Variants in TOX observed in about 807,000 individuals in gnomAD.
TOX encodes the protein thymocyte selection-associated high mobility group box protein TOX.
Under a neutral mutation model 53.7 loss-of-function variants are expected in TOX, and 11 were observed. The observed-to-expected ratio is 0.20, with a 90% CI of 0.13 to 0.34. TOX has a LOEUF of 0.34. TOX is among the 10% of genes least tolerant of loss of function. TOX has a pLI of 1.00. For missense variants in TOX, 570 were observed against 664.6 expected (o/e 0.86, Z 1.56); for synonymous variants, 225 against 245.3 (o/e 0.92, Z 0.77).
At chr8:59,055,846 C>T (rs909830026) in intron 1 of TOX, among the ~76,000 whole-genome samples, 1 of 152,146 alleles carries the variant, frequency 6.6e-6, no homozygotes, top group African/African-American at 2.4e-5. Context: ...TTATCAGGGA[C>T]ATCTACTTGC....
intron 4 of TOX, among the ~76,000 whole-genome samples, chr8:58,846,222 T>A (rs984682999): frequency 2.1e-5 from 3 of 145,786 alleles, no homozygotes; most frequent in Non-Finnish European, 4.7e-5. Context: ...ACGAATAGAA[T>A]ACTTTTTTTT....
intron 5 of TOX, among the ~76,000 whole-genome samples, chr8:58,836,162 A>C (rs1810542268): frequency 6.6e-6 from 1 of 152,122 alleles, no homozygotes; most frequent in Admixed American, 6.5e-5. Context: ...TCATGGGTGG[A>C]GCAGGGAGGC....
At chr8:59,036,976 A>C (rs1814471544) in intron 1 of TOX, among the ~76,000 whole-genome samples, 1 of 152,198 alleles carries the variant, frequency 6.6e-6, no homozygotes, top group Non-Finnish European at 1.5e-5. Context: ...TTCTGGATTA[A>C]TATCTGGCAA....
At chr8:59,029,168 C>T (rs1814302778) in intron 1 of TOX, among the ~76,000 whole-genome samples, 1 of 152,026 alleles carries the variant, frequency 6.6e-6, no homozygotes, top group Admixed American at 6.6e-5. Flanking sequence ...TATTTCTTTT[C>T]CTATACACTC....
At position 58,911,680 on chromosome 8, in the gene TOX, T is replaced by C. The variant is rs528629855; in HGVS notation, c.411+27622A>G. 7.2e-5 allele frequency among the ~76,000 whole-genome samples: 11 copies of C among 152,220 alleles called. No homozygotes were observed. The South Asian group carries it at 2.3e-3, about 32-fold the overall frequency. ...GCATCTCTGAGCAGAAAAAAACACATAAGACTCAAGTTCAAAACTTTTCTT... is the reference window on the plus strand; with the variant it reads ...GCATCTCTGAGCAGAAAAAAACACACAAGACTCAAGTTCAAAACTTTTCTT... On this transcript the variant is annotated intron_variant, in intron 3 of 8. Transcript: ENST00000361421.
chr8:59,019,431 G>C (rs1057254603), intron 1 of TOX, among the ~76,000 whole-genome samples: 5 of 152,160 alleles, frequency 3.3e-5, no homozygotes, highest in African/African-American at 1.2e-4. Context: ...TAGGCACAGA[G>C]AGAAAGAGAA....
At chr8:58,999,437 G>A (rs1197854842) in intron 1 of TOX, among the ~76,000 whole-genome samples, 2 of 151,994 alleles carry the variant, frequency 1.3e-5, no homozygotes, top group African/African-American at 4.8e-5. Flanking sequence ...AGTCAACAAA[G>A]TTTCTGAAAA....
intron 1 of TOX, among the ~76,000 whole-genome samples, chr8:58,978,064 T>C (rs1361547033): frequency 1.3e-5 from 2 of 152,120 alleles, no homozygotes; most frequent in Admixed American, 1.3e-4. Context: ...TGAGGTGCAA[T>C]AAAATGGGGG....
At position 58,806,972 on chromosome 8, in the gene TOX, T is replaced by C. The variant is rs1353211559; in HGVS notation, c.*775A>G. The C allele has an allele frequency of 6.6e-6, 1 of 152,618 alleles. No individual in the cohort carries two copies. The highest frequency in any genetic ancestry group is 2.4e-5 in the African/African-American group (1 of 41,458). The allele number at this position is 152,618 out of a possible 1,614,324, so 9.5% of individuals were successfully genotyped here. On this transcript the variant is annotated 3_prime_UTR_variant, in exon 9 of 9. Transcript: ENST00000361421. Reference sequence around the variant, plus strand: ...GGTAAGCATTTGGCAGTTTTATACATAAAAGGACTTAAATGACATTTACTA... The same window carrying C: ...GGTAAGCATTTGGCAGTTTTATACACAAAAGGACTTAAATGACATTTACTA...
At chr8:58,835,939 G>A (rs759136429) in intron 5 of TOX, among the ~76,000 whole-genome samples, 1 of 152,120 alleles carries the variant, frequency 6.6e-6, no homozygotes, top group Non-Finnish European at 1.5e-5. Context: ...TAGGGAAGAG[G>A]GGCTGAGCCT....
chr8:58,851,769 T>G lies in TOX; in HGVS notation c.448A>C (p.Ser150Arg). The G allele has an allele frequency of 6.2e-7, 1 of 1,606,374 alleles. No individual in the cohort carries two copies. Among genetic ancestry groups the G allele is most frequent in the Non-Finnish European group, 8.5e-7 (1 of 1,175,618 alleles). ...DIRNPEGTQY[S>R]SHPQMAAMRP... The stretch of plus-strand genomic sequence containing the variant: ...ATGGCTGCCATCTGAGGATGGGAAC[T>G]GTACTGAGTTCCTTCTGGGTTTCGT... The change falls in exon 4 of 9, where the codon AGT (serine) becomes CGT (arginine). Residue 150 changes from serine (S) to arginine (R), a missense_variant. Physicochemically the swap from Ser to Arg is moderately radical, Grantham distance 110 (BLOSUM62 -1). This residue lies in a region of TOX where 282 missense variants were observed against 315.0 expected (regional missense o/e 0.90). Coordinates refer to ENST00000361421, the MANE Select transcript of TOX (RefSeq NM_014729.3). The surrounding 1 kb of genome is among the most constrained non-coding windows in gnomAD (Gnocchi z 4.4).
At chr8:59,029,397 C>T (rs1342283394) in intron 1 of TOX, among the ~76,000 whole-genome samples, 1 of 152,122 alleles carries the variant, frequency 6.6e-6, no homozygotes, top group Non-Finnish European at 1.5e-5. Context: ...AACAGGGACC[C>T]TTAAGTAACC....
chr8:58,961,156 T>C (rs1048558072), intron 1 of TOX, among the ~76,000 whole-genome samples: 3 of 152,212 alleles, frequency 2.0e-5, no homozygotes, highest in African/African-American at 7.2e-5. Context: ...TATGAACTGC[T>C]AGCAGAAGGT....
At chr8:58,855,023 C>T (rs1040012487) in intron 3 of TOX, among the ~76,000 whole-genome samples, 1 of 152,014 alleles carries the variant, frequency 6.6e-6, no homozygotes, top group African/African-American at 2.4e-5. Context: ...AAATGCAAAA[C>T]CTGAAGTAGC....
intron 3 of TOX, among the ~76,000 whole-genome samples, chr8:58,909,859 T>C (rs891487374): frequency 6.6e-6 from 1 of 152,144 alleles, no homozygotes; most frequent in African/African-American, 2.4e-5. Flanking sequence ...GGTTTGATCA[T>C]GTTGGCCAGG....
intron 1 of TOX, among the ~76,000 whole-genome samples, chr8:59,002,557 C>G (rs1813712141): frequency 6.6e-6 from 1 of 151,218 alleles, no homozygotes; most frequent in Non-Finnish European, 1.5e-5. Flanking sequence ...CGCCACTGCA[C>G]TCCAGCCTGG....
At chr8:58,861,836 T>C (rs982027377) in intron 3 of TOX, among the ~76,000 whole-genome samples, 4 of 152,212 alleles carry the variant, frequency 2.6e-5, no homozygotes, top group Admixed American at 2.6e-4. Flanking sequence ...AAAATAGAGA[T>C]GTCAAGTGGG....
At chr8:58,988,467 C>T (rs1439640539) in intron 1 of TOX, among the ~76,000 whole-genome samples, 1 of 152,136 alleles carries the variant, frequency 6.6e-6, no homozygotes, top group African/African-American at 2.4e-5. Context: ...ATTTACTAGT[C>T]GGTCCTTTAC....
At chr8:59,000,671 C>G (rs1468220513) in intron 1 of TOX, among the ~76,000 whole-genome samples, 1 of 152,132 alleles carries the variant, frequency 6.6e-6, no homozygotes, top group African/African-American at 2.4e-5. Flanking sequence ...CAGGTCAGTG[C>G]TGCCATGAAT....
Sources: allele counts gnomAD v4.1 joint callset (sites outside exome capture counted in the v4.1 genomes callset), GRCh38; gene constraint gnomAD v4.1.1; regional missense constraint gnomAD v4.1.1; non-coding constraint Gnocchi (gnomAD v3.1); transcripts MANE v1.5; gene names NCBI Gene and HGNC (gene_info 2026-07-23, HGNC 2026-07-21).